The following GPHN variants were observed in gnomAD, a reference collection of about 807,000 sequenced individuals.
The protein encoded by GPHN is gephyrin.
A neutral mutation model predicts 95.5 loss-of-function variants in GPHN; 17 were observed. The observed-to-expected ratio is 0.18, with a 90% CI of 0.12 to 0.27. The LOEUF (loss-of-function observed/expected upper bound fraction) is 0.27. GPHN is among the 10% of genes least tolerant of loss of function. The probability of loss-of-function intolerance (pLI) is 1.00; values close to 1 mark genes in which losing one functional copy is unlikely to be tolerated. For synonymous variants in GPHN, 320 were observed against 322.5 expected (o/e 0.99, Z 0.08); for missense variants, 660 against 978.1 (o/e 0.67, Z 4.34).
rs974890194 is a variant in GPHN at position 66,608,678 on chromosome 14, T to A, written c.65-72429T>A. 1.5e-4 allele frequency among the ~76,000 whole-genome samples: 23 copies of A among 152,096 alleles called. 1 individual carries two copies. The highest frequency in any genetic ancestry group is 5.6e-4 in the African/African-American group (23 of 41,436). The stretch of plus-strand genomic sequence containing the variant: ...TGAATCTGGATGCTCCAATGTTGGG[T>A]GTGTATAGACTTAAGGTAGTTAAGT... On this transcript the variant is annotated intron_variant, in intron 1 of 22. Coordinates refer to ENST00000478722, the MANE Select transcript of GPHN (RefSeq NM_020806.5).
the GPHN span, chr14:67,570,348 A>G: frequency 1.0e-6 from 1 of 993,524 alleles, no homozygotes; most frequent in Non-Finnish European, 1.2e-6. Context: ...GGTATATTCC[A>G]ACTTATATTC....
At chr14:67,709,677 C>T in the GPHN span, among the ~76,000 whole-genome samples, 606 of 152,230 alleles carry the variant, frequency 4.0e-3, 3 homozygotes, top group Non-Finnish European at 6.1e-3. Flanking sequence ...TTCAGGAATA[C>T]AGTTTATTTT....
chr14:66,753,493 T>C lies in GPHN; in HGVS notation c.144-22971T>C, dbSNP rs1264910992. ...GGGTGGCAGTCATAGCTAACTGATA[T>C]AAAGTTTCTATTCTGCCAAAAAAAA... is the stretch of plus-strand genomic sequence containing the variant. On this transcript the variant is annotated intron_variant, in intron 2 of 22. Coordinates refer to ENST00000478722, the MANE Select transcript of GPHN (RefSeq NM_020806.5). Among the ~76,000 whole-genome samples, 9 of 144,202 alleles carry C rather than the reference T, an allele frequency of 6.2e-5. No individual in the cohort carries two copies. The South Asian group carries it at 8.8e-4, about 14-fold the overall frequency. The allele number at this position is 144,202 out of a possible 152,430, so 94.6% of individuals were successfully genotyped here. A position where few individuals can be genotyped will look rare whatever the true frequency, so the allele number is the denominator to read the frequency against.
intron 2 of GPHN, among the ~76,000 whole-genome samples, chr14:66,754,583 T>G (rs932767610): frequency 6.6e-6 from 1 of 151,948 alleles, no homozygotes; most frequent in Admixed American, 6.6e-5. Context: ...TAGAGTAATA[T>G]AAATAATGCG....
intron 6 of GPHN, among the ~76,000 whole-genome samples, chr14:66,921,543 G>A (rs984079630): frequency 6.6e-6 from 1 of 151,246 alleles, no homozygotes; most frequent in African/African-American, 2.4e-5. Context: ...ACAAAACACT[G>A]CTGAAAGCAA....
the GPHN span, among the ~76,000 whole-genome samples, chr14:67,671,654 A>G: frequency 6.6e-6 from 1 of 152,272 alleles, no homozygotes; most frequent in African/African-American, 2.4e-5. Context: ...TTATGTTGCT[A>G]TAACAGAATA....
chr14:66,945,147 A>G (rs944819225), intron 8 of GPHN, among the ~76,000 whole-genome samples: 3 of 152,272 alleles, frequency 2.0e-5, no homozygotes, highest in African/African-American at 7.2e-5. Flanking sequence ...GCATGGACAC[A>G]TTATAGGATG....
chr14:67,044,292 G>A (rs566555823), intron 10 of GPHN, among the ~76,000 whole-genome samples: 1 of 151,998 alleles, frequency 6.6e-6, no homozygotes, highest in African/African-American at 2.4e-5. Flanking sequence ...AGCCAAGATC[G>A]CACCACTGCA....
At chr14:67,468,602 C>T in the GPHN span, among the ~76,000 whole-genome samples, 1 of 151,960 alleles carries the variant, frequency 6.6e-6, no homozygotes, top group South Asian at 2.1e-4. Context: ...AGGAAAGTGT[C>T]GAGAAAGGCA....
At chr14:67,013,635 GA>G (rs926740847) in intron 9 of GPHN, among the ~76,000 whole-genome samples, 4 of 151,862 alleles carry the variant, frequency 2.6e-5, no homozygotes, top group African/African-American at 7.2e-5. Context: ...GTGCAGTATA[GA>G]CATATATTTG....
the GPHN span, among the ~76,000 whole-genome samples, chr14:67,461,097 C>T: frequency 2.0e-5 from 3 of 152,294 alleles, no homozygotes; most frequent in African/African-American, 4.8e-5. Flanking sequence ...ATTATGACCT[C>T]GCCAGCAGGA....
chr14:66,802,474 G>A (rs543186695), intron 3 of GPHN, among the ~76,000 whole-genome samples: 7 of 152,226 alleles, frequency 4.6e-5, no homozygotes, highest in East Asian at 1.9e-4. Context: ...GTTGGTACCC[G>A]AGTTGCAAGA....
chr14:66,880,868 C>T (rs1423265824), intron 5 of GPHN, among the ~76,000 whole-genome samples: 1 of 151,948 alleles, frequency 6.6e-6, no homozygotes, highest in Non-Finnish European at 1.5e-5. Flanking sequence ...ACAATTACAT[C>T]ACTTAAGTTA....
intron 3 of GPHN, among the ~76,000 whole-genome samples, chr14:66,778,799 A>G (rs1038675705): frequency 8.2e-6 from 1 of 121,978 alleles, no homozygotes; most frequent in African/African-American, 3.3e-5. Context: ...CAGTGGCATG[A>G]TCTCAGCTCA....
At chr14:67,632,407 G>A in the GPHN span, among the ~76,000 whole-genome samples, 1 of 152,194 alleles carries the variant, frequency 6.6e-6, no homozygotes, top group Non-Finnish European at 1.5e-5. Context: ...GAGTAAATCA[G>A]ACATCTTGTT....
At chr14:66,754,044 T>C (rs888724451) in intron 2 of GPHN, among the ~76,000 whole-genome samples, 2 of 152,132 alleles carry the variant, frequency 1.3e-5, no homozygotes, top group Non-Finnish European at 2.9e-5. Context: ...GTTTTAGTAG[T>C]TCTTTTTTAT....
At chr14:67,588,600 G>A in the GPHN span, 1 of 152,078 alleles carries the variant, frequency 6.6e-6, no homozygotes, top group Non-Finnish European at 1.5e-5. Flanking sequence ...ACAGGTTGTA[G>A]ACACACCCTC....
the GPHN span, among the ~76,000 whole-genome samples, chr14:67,442,576 T>A: frequency 6.6e-6 from 1 of 152,210 alleles, no homozygotes; most frequent in African/African-American, 2.4e-5. Context: ...CTCTGTGTCC[T>A]GTCCTGGTTC....
At chr14:66,827,081 C>G (rs1231401567) in intron 4 of GPHN, among the ~76,000 whole-genome samples, 2 of 151,988 alleles carry the variant, frequency 1.3e-5, no homozygotes, top group African/African-American at 4.8e-5. Context: ...GCAAGGAGTT[C>G]AAGACAAGCC....
Sources: gnomAD v4.1 joint callset for allele counts (sites outside exome capture counted in the v4.1 genomes callset) on GRCh38, gnomAD v4.1.1 for gene constraint, MANE v1.5 for transcripts, NCBI Gene and HGNC (gene_info 2026-07-23, HGNC 2026-07-21) for gene names.